The following GABRG1 variants were observed in gnomAD, a reference collection of about 807,000 sequenced individuals.
GABRG1 encodes gamma-aminobutyric acid type A receptor subunit gamma1.
In GABRG1, 49 loss-of-function variants were observed where a neutral mutation model predicts 49.8. The observed-to-expected ratio is 0.98, with a 90% confidence interval of 0.78 to 1.25. The LOEUF (loss-of-function observed/expected upper bound fraction) is 1.25, where lower values mean the gene tolerates loss of function less well. GABRG1 is among the 50% of genes most tolerant of loss of function. The pLI, the probability that GABRG1 is intolerant of heterozygous loss-of-function variation, is 0.00. For synonymous variants in GABRG1, 232 were observed against 185.1 expected, an observed-to-expected ratio of 1.25 and a Z score of -2.06; for missense variants, 552 against 552.3, an observed-to-expected ratio of 1.00 and a Z score of 0.01.
chr4:46,110,000 AAG>A (rs1720669127), intron 1 of GABRG1, among the ~76,000 whole-genome samples: 1 of 150,958 alleles, frequency 6.6e-6, no homozygotes, highest in African/African-American at 2.4e-5. Flanking sequence ...GGTTGATGGG[AAG>A]AGTGTTCTAC....
rs567365091 is a variant in GABRG1 at position 46,040,284 on chromosome 4, A to G, written c.*704T>C. On this transcript the variant is annotated 3_prime_UTR_variant, in exon 9 of 9. Coordinates refer to ENST00000295452, the MANE Select transcript of GABRG1 (RefSeq NM_173536.4). ...ATTTTACCTGATTTTTTCATCTTGC[A>G]TTCTTAAAAAATGACTGGTGGCTTC... The G allele has an allele frequency of 1.3e-5, 2 of 152,166 alleles. No homozygotes were observed. The highest frequency in any genetic ancestry group is 1.9e-4 in the East Asian group (1 of 5,172). The allele number at this position is 152,166 out of a possible 1,614,324, so 9.4% of individuals were successfully genotyped here.
chr4:46,039,297 A>G lies in GABRG1; in HGVS notation c.*1691T>C, dbSNP rs1717662642. The G allele has an allele frequency of 6.6e-6, 1 of 151,272 alleles. No homozygotes were observed. Among genetic ancestry groups the G allele is most frequent in the South Asian group, 2.1e-4 (1 of 4,806 alleles). The allele number at this position is 151,272 out of a possible 1,614,324, so 9.4% of individuals were successfully genotyped here. ...GGGCATTACCATTTGATTCATGCTT[A>G]TTTTTTTCCAGAAGTTTATGAGCAA... On this transcript the variant is annotated 3_prime_UTR_variant, in exon 9 of 9. Transcript: ENST00000295452.
intron 3 of GABRG1, among the ~76,000 whole-genome samples, chr4:46,076,398 TA>T: frequency 7.0e-6 from 1 of 142,846 alleles, no homozygotes; most frequent in Non-Finnish European, 1.5e-5. Context: ...TATATATATA[TA>T]TATATGCTAA....
At chr4:46,085,109 A>T (rs1489326946) in intron 2 of GABRG1, among the ~76,000 whole-genome samples, 1 of 151,480 alleles carries the variant, frequency 6.6e-6, no homozygotes, top group Non-Finnish European at 1.5e-5. Context: ...AGTTAAACTG[A>T]TAAATCAGCA....
chr4:46,118,192 A>G (rs1720989445), intron 1 of GABRG1, among the ~76,000 whole-genome samples: 1 of 147,166 alleles, frequency 6.8e-6, no homozygotes, highest in Admixed American at 6.9e-5. Context: ...ACCCCCTAAC[A>G]GAACATATAG....
chr4:46,074,960 T>A (rs541881183), intron 3 of GABRG1, among the ~76,000 whole-genome samples: 70 of 152,134 alleles, frequency 4.6e-4, no homozygotes, highest in African/African-American at 1.7e-3. Context: ...GCTGACTGAG[T>A]CACTTATACA....
At chr4:46,120,782 C>T (rs891662272) in intron 1 of GABRG1, among the ~76,000 whole-genome samples, 2 of 151,716 alleles carry the variant, frequency 1.3e-5, no homozygotes, top group South Asian at 2.1e-4. Flanking sequence ...TGATTATTGA[C>T]TCATGGAAAT....
At chr4:46,049,500 T>C (rs530327375) in intron 8 of GABRG1, among the ~76,000 whole-genome samples, 5 of 151,930 alleles carry the variant, frequency 3.3e-5, no homozygotes, top group Non-Finnish European at 7.4e-5. Flanking sequence ...GGTACTCAAG[T>C]AGTCAATTAT....
chr4:46,051,342 G>T, intron 8 of GABRG1, 82 bp downstream of exon 8: 1 of 1,114,046 alleles, frequency 9.0e-7, no homozygotes, highest in Non-Finnish European at 1.3e-6. Flanking sequence ...CCCTATTTCT[G>T]TAAACAAACA....
chr4:46,103,931 T>C (rs1720458002), intron 1 of GABRG1, among the ~76,000 whole-genome samples: 1 of 151,402 alleles, frequency 6.6e-6, no homozygotes, highest in African/African-American at 2.4e-5. Context: ...CAAGTTATGA[T>C]TAGCTGCATG....
intron 8 of GABRG1, among the ~76,000 whole-genome samples, chr4:46,047,599 C>T (rs1046093950): frequency 7.2e-5 from 11 of 151,912 alleles, no homozygotes; most frequent in African/African-American, 9.7e-5. Flanking sequence ...CTTTGTGATA[C>T]CTGTCTGTTT....
chr4:46,061,667 C>T (rs1718680244), intron 5 of GABRG1, among the ~76,000 whole-genome samples: 1 of 150,900 alleles, frequency 6.6e-6, no homozygotes, highest in African/African-American at 2.4e-5. Context: ...AAAGAATATA[C>T]CAGGTTTTTT....
chr4:46,051,334 C>T (rs1718209772), intron 8 of GABRG1, 90 bp downstream of exon 8: 1 of 994,568 alleles, frequency 1.0e-6, no homozygotes, highest in African/African-American at 1.6e-5. Context: ...TCAAGCGTCC[C>T]TATTTCTGTA....
chr4:46,085,952 T>C (rs1380899564), intron 2 of GABRG1, among the ~76,000 whole-genome samples: 1 of 151,526 alleles, frequency 6.6e-6, no homozygotes, highest in Non-Finnish European at 1.5e-5. Flanking sequence ...CTAAATAACA[T>C]CTTGAAAGTA....
chr4:46,065,184 A>G (rs1037233436), intron 4 of GABRG1, among the ~76,000 whole-genome samples, 180 bp downstream of exon 4: 7 of 152,170 alleles, frequency 4.6e-5, no homozygotes, highest in East Asian at 1.9e-4. Flanking sequence ...TCCTTTTCAC[A>G]TAATAATAAC....
chr4:46,058,458 A>T (rs1056935479), intron 6 of GABRG1, 27 bp downstream of exon 6: 1 of 1,607,952 alleles, frequency 6.2e-7, no homozygotes, highest in South Asian at 1.1e-5. Flanking sequence ...TGCTAGCATC[A>T]TTTCACTATT....
At chr4:46,095,851 A>G (rs1283993442) in intron 2 of GABRG1, among the ~76,000 whole-genome samples, 3 of 151,880 alleles carry the variant, frequency 2.0e-5, no homozygotes, top group Non-Finnish European at 4.4e-5. Context: ...GTTCGGGGTT[A>G]CAAGTGAAGG....
chr4:46,093,718 A>G (rs868336051), intron 2 of GABRG1, among the ~76,000 whole-genome samples: 34 of 152,138 alleles, frequency 2.2e-4, no homozygotes, highest in Middle Eastern at 3.4e-3. Flanking sequence ...ATAAATGTAT[A>G]CATCCACTAT....
In GABRG1 at chr4:46,036,541, GC is replaced by G. The variant is rs2109386689; in HGVS notation, c.*4446del. The G allele has an allele frequency of 6.6e-6, 1 of 151,972 alleles. No individual in the cohort carries two copies. The highest frequency in any genetic ancestry group is 2.4e-5 in the African/African-American group (1 of 41,520). The allele number at this position is 151,972 out of a possible 1,614,324, so 9.4% of individuals were successfully genotyped here. A position where few individuals can be genotyped will look rare whatever the true frequency, so the allele number is the denominator to read the frequency against. On this transcript the variant is annotated 3_prime_UTR_variant, in exon 9 of 9. Transcript: ENST00000295452. ...ATGGTGTCTTTGTACCCATCTACAT[GC>G]AAGCAAGTATCTACTACAGGATCCC... is the stretch of plus-strand genomic sequence containing the variant.
Sources: allele counts gnomAD v4.1 joint callset (sites outside exome capture counted in the v4.1 genomes callset), GRCh38; gene constraint gnomAD v4.1.1; transcripts MANE v1.5; gene names NCBI Gene and HGNC (gene_info 2026-07-23, HGNC 2026-07-21).